LRP6: variants seen among roughly 807,000 people sequenced by gnomAD.
LRP6 encodes the protein LDL receptor related protein 6.
LRP6 carries 43 observed loss-of-function variants against 184.1 expected under a neutral mutation model. The ratio of observed to expected loss-of-function variants is 0.23; its 90% CI spans 0.18 to 0.30. The LOEUF (loss-of-function observed/expected upper bound fraction) is 0.30. Ranked by LOEUF, LRP6 falls within the 10% of genes least tolerant of loss-of-function variation. The pLI is 1.00. For missense variants in LRP6, 1,571 were observed against 2,005.3 expected, an observed-to-expected ratio of 0.78 and a Z score of 4.14; for synonymous variants, 719 against 684.9, an observed-to-expected ratio of 1.05 and a Z score of -0.78.
chr12:12,212,871 T>C (rs1864247178), intron 2 of LRP6, among the ~76,000 whole-genome samples: 1 of 152,246 alleles, frequency 6.6e-6, no homozygotes, highest in Non-Finnish European at 1.5e-5. Flanking sequence ...TTGAGAATTC[T>C]TGGTCTTGAG....
At chr12:12,242,675 G>A (rs1462620609) in intron 2 of LRP6, among the ~76,000 whole-genome samples, 4 of 152,284 alleles carry the variant, frequency 2.6e-5, no homozygotes, top group African/African-American at 4.8e-5. Flanking sequence ...ACATCCAATC[G>A]TTTTTCCTAC....
At chr12:12,204,022 G>A (rs1591944186) in intron 2 of LRP6, among the ~76,000 whole-genome samples, 1 of 152,206 alleles carries the variant, frequency 6.6e-6, no homozygotes, top group East Asian at 1.9e-4. Flanking sequence ...TAACTTTAGA[G>A]AAAATAAACC....
chr12:12,160,059 A>G, intron 10 of LRP6, 95 bp from the exon 11 acceptor site: 2 of 893,674 alleles, frequency 2.2e-6, no homozygotes, highest in Non-Finnish European at 3.4e-6. Context: ...AATTTAAAGA[A>G]AACATACAGC....
chr12:12,187,386 G>T (rs1863501989), intron 3 of LRP6: 1 of 470,642 alleles, frequency 2.1e-6, no homozygotes, highest in South Asian at 2.2e-5. Context: ...ATACCCGGCA[G>T]AGAGAGAGCA....
chr12:12,164,919 T>TAAA (rs58540250), intron 8 of LRP6, among the ~76,000 whole-genome samples, 160 bp downstream of exon 8: 946 of 56,980 alleles, frequency 0.017, 209 homozygotes, highest in East Asian at 0.063. Flanking sequence ...CCCTTCTCAG[T>TAAA]AAAAAAAAAA....
chr12:12,154,422 C>T (rs1950123779), intron 12 of LRP6, among the ~76,000 whole-genome samples: 1 of 152,226 alleles, frequency 6.6e-6, no homozygotes, highest in Admixed American at 6.5e-5. Context: ...TTATTGCCAC[C>T]TAACCCCTGA....
intron 7 of LRP6, among the ~76,000 whole-genome samples, chr12:12,169,604 A>C (rs557454296): frequency 6.6e-6 from 1 of 152,194 alleles, no homozygotes; most frequent in Non-Finnish European, 1.5e-5. Flanking sequence ...AGCTCAACAA[A>C]GGTATTAACA....
chr12:12,181,920 G>A (rs1045178990), intron 5 of LRP6, among the ~76,000 whole-genome samples: 4 of 152,278 alleles, frequency 2.6e-5, no homozygotes, highest in Middle Eastern at 3.4e-3. Context: ...AAAAGTCACC[G>A]AATTGTACAA....
At chr12:12,177,981 G>A (rs1425115964) in intron 7 of LRP6, among the ~76,000 whole-genome samples, 1 of 152,004 alleles carries the variant, frequency 6.6e-6, no homozygotes, top group Non-Finnish European at 1.5e-5. Context: ...AGGAAAGAAG[G>A]GGTGACGGAG....
intron 3 of LRP6, among the ~76,000 whole-genome samples, chr12:12,198,580 T>C (rs1008799437): frequency 4.7e-5 from 7 of 148,676 alleles, no homozygotes; most frequent in African/African-American, 1.5e-4. Flanking sequence ...GTCACCCAGG[T>C]TGGAGTGCAA....
chr12:12,124,699 A>C, intron 21 of LRP6, 37 bp from the exon 22 acceptor site: 2 of 1,278,536 alleles, frequency 1.6e-6, no homozygotes, highest in Non-Finnish European at 2.2e-6. Context: ...TAAAATAACA[A>C]CATAGAAACT....
chr12:12,199,586 G>A lies in LRP6; in HGVS notation c.647+3617C>T, dbSNP rs569800096. On this transcript the variant is annotated intron_variant, in intron 3 of 22. Transcript: ENST00000261349. Reference sequence around the variant, plus strand: ...ACAGCTTTCTGATGGTTCTCTGGAGGAGCCATTCATAATTGCTGGGCACTA... The same window carrying A: ...ACAGCTTTCTGATGGTTCTCTGGAGAAGCCATTCATAATTGCTGGGCACTA... Among the ~76,000 whole-genome samples the A allele has an allele frequency of 1.5e-4, 23 of 152,226 alleles. No homozygotes were observed. In the Middle Eastern group the frequency reaches 0.01, roughly 68 times the overall value.
intron 5 of LRP6, among the ~76,000 whole-genome samples, chr12:12,182,896 T>G (rs1040441815): frequency 1.3e-5 from 2 of 152,220 alleles, no homozygotes; most frequent in African/African-American, 4.8e-5. Flanking sequence ...TGGTTAAATA[T>G]GTACACTTGC....
At chr12:12,220,615 T>C (rs914761990) in intron 2 of LRP6, among the ~76,000 whole-genome samples, 13 of 151,464 alleles carry the variant, frequency 8.6e-5, no homozygotes, top group African/African-American at 3.2e-4. Flanking sequence ...TTTTTTTTTT[T>C]TGAGACAGGG....
intron 2 of LRP6, among the ~76,000 whole-genome samples, chr12:12,242,442 A>G (rs1256689844): frequency 6.6e-6 from 1 of 152,230 alleles, no homozygotes; most frequent in East Asian, 1.9e-4. Context: ...AGGGGAAAAA[A>G]GAACTTTATC....
At chr12:12,218,391 C>T (rs1189731819) in intron 2 of LRP6, among the ~76,000 whole-genome samples, 3 of 151,654 alleles carry the variant, frequency 2.0e-5, no homozygotes, top group African/African-American at 2.4e-5. Flanking sequence ...ATGGGAGAAT[C>T]GCTTGAGCCC....
rs1215429776 is a variant in LRP6, at chr12:12,116,859, T to C, written c.*4267A>G. The stretch of plus-strand genomic sequence containing the variant: ...GGGTAGAGTCAGTAACTGATTAACC[T>C]AAGACTCCACCTTCCACTCCACTCA... On this transcript the variant is annotated 3_prime_UTR_variant, in exon 23 of 23. Transcript: ENST00000261349. 1 of 152,170 alleles carries C rather than the reference T, an allele frequency of 6.6e-6. No homozygotes were observed. The highest frequency in any genetic ancestry group is 6.5e-5 in the Admixed American group (1 of 15,278). The allele number at this position is 152,170 out of a possible 1,614,324, so 9.4% of individuals were successfully genotyped here. A position where few individuals can be genotyped will look rare whatever the true frequency, so the allele number is the denominator to read the frequency against.
intron 22 of LRP6, among the ~76,000 whole-genome samples, chr12:12,121,784 A>G (rs1037928409): frequency 2.0e-5 from 3 of 152,202 alleles, no homozygotes; most frequent in Non-Finnish European, 4.4e-5. Context: ...GGGTTTTTAC[A>G]TATTTTACAC....
intron 2 of LRP6, among the ~76,000 whole-genome samples, chr12:12,229,303 G>C (rs1455977391): frequency 6.6e-6 from 1 of 151,028 alleles, no homozygotes; most frequent in Non-Finnish European, 1.5e-5. Flanking sequence ...CCGCAAGGCG[G>C]AGGTTGCTGT....
Sources: allele counts gnomAD v4.1 joint callset (sites outside exome capture counted in the v4.1 genomes callset), GRCh38; gene constraint gnomAD v4.1.1; transcripts MANE v1.5; gene names NCBI Gene and HGNC (gene_info 2026-07-23, HGNC 2026-07-21).